The following PLEKHG5 variants were observed in gnomAD, a reference collection of about 807,000 sequenced individuals.
The protein encoded by PLEKHG5 is pleckstrin homology domain-containing family G member 5.
In PLEKHG5, 52 loss-of-function variants were observed where a neutral mutation model predicts 103.8. The observed-to-expected ratio is 0.50, with a 90% CI of 0.40 to 0.63. The LOEUF is 0.63. Ranked by LOEUF, PLEKHG5 falls within the 30% of genes least tolerant of loss-of-function variation. PLEKHG5 has a pLI of 0.00. For synonymous variants in PLEKHG5, 592 were observed against 575.5 expected (o/e 1.03, Z -0.41); for missense variants, 1,205 against 1,347.6 (o/e 0.89, Z 1.66).
chr1:6,471,491 C>A lies in PLEKHG5; in HGVS notation c.1278G>T (p.Lys426Asn), dbSNP rs780936449. 6.2e-7 allele frequency: 1 copy of A among 1,610,424 alleles called. No individual in the cohort carries two copies. The highest frequency in any genetic ancestry group is 8.5e-7 in the Non-Finnish European group (1 of 1,179,120). ...LQPGDFLKGF[K>N]MFGSLFKPYI... ...CTGCGCCCGGCCCCGCCCGTACCAT[C>A]TTGAAGCCTTTGAGGAAGTCCCCGG... Residue 426 changes from lysine (K) to asparagine (N), a missense_variant, in exon 12 of 21, where the codon AAG (lysine) becomes AAT (asparagine). Physicochemically the swap from Lys to Asn is moderately conservative, Grantham distance 94. Transcript: ENST00000377728.
intron 1 of PLEKHG5, among the ~76,000 whole-genome samples, chr1:6,506,957 T>C (rs1483858511): frequency 6.6e-6 from 1 of 152,162 alleles, no homozygotes; most frequent in African/African-American, 2.4e-5. Context: ...GGGAGCCTCA[T>C]TGCTCCCGAG....
upstream of PLEKHG5, among the ~76,000 whole-genome samples, chr1:6,494,545 T>C (rs965674744): frequency 6.6e-6 from 1 of 152,134 alleles, no homozygotes; most frequent in Non-Finnish European, 1.5e-5. Context: ...ATCGCAGGTA[T>C]GAGCAACCAC....
upstream of PLEKHG5, among the ~76,000 whole-genome samples, chr1:6,493,648 A>G (rs1314217904): frequency 6.6e-6 from 1 of 150,472 alleles, no homozygotes; most frequent in Non-Finnish European, 1.5e-5. Flanking sequence ...AATAATTGTT[A>G]TTATTATTAT....
At position 6,469,401 on chromosome 1, in the gene PLEKHG5, G is replaced by A. The variant is rs1644499950; in HGVS notation, c.1983C>T (p.Ala661=). 1 of 1,614,036 alleles carries A rather than the reference G, an allele frequency of 6.2e-7. No individual in the cohort carries two copies. The stretch of plus-strand genomic sequence containing the variant: ...CCTGGCCACTGGCCTGGAACGTGTA[G>A]GCCCCTACAGCACTGTGAAACTCAT... ...YLNEFHSAVG[A]YTFQASGQAL... The change falls in exon 18 of 21, where the codon GCC becomes GCT. Residue 661 remains alanine (A), a synonymous_variant. Transcript: ENST00000377728.
chr1:6,506,429 C>G (rs950621433), intron 1 of PLEKHG5, among the ~76,000 whole-genome samples: 1 of 152,202 alleles, frequency 6.6e-6, no homozygotes, highest in South Asian at 2.1e-4. Context: ...CCGGCCCCCT[C>G]GGAGCCCCCA....
intron 1 of PLEKHG5, among the ~76,000 whole-genome samples, chr1:6,513,075 C>T (rs1239929966): frequency 6.6e-6 from 1 of 152,264 alleles, no homozygotes; most frequent in Non-Finnish European, 1.5e-5. Context: ...CTGGTGGAAT[C>T]GGTAGCTCCT....
At chr1:6,502,284 C>A (rs980626721) in intron 1 of PLEKHG5, among the ~76,000 whole-genome samples, 4 of 152,262 alleles carry the variant, frequency 2.6e-5, no homozygotes, top group African/African-American at 9.6e-5. Context: ...GATCCCCTTC[C>A]CAAAGCGCCA....
intron 1 of PLEKHG5, among the ~76,000 whole-genome samples, chr1:6,481,345 A>G (rs534708623): frequency 1.9e-4 from 29 of 152,068 alleles, no homozygotes; most frequent in Admixed American, 7.2e-4. Context: ...AGCCTGACCA[A>G]CATGGAAGAA....
At chr1:6,516,396 G>A (rs957965576) in intron 1 of PLEKHG5, among the ~76,000 whole-genome samples, 2 of 152,210 alleles carry the variant, frequency 1.3e-5, no homozygotes, top group African/African-American at 4.8e-5. Flanking sequence ...AGTGACTCAT[G>A]CCTGCAATCC....
chr1:6,515,405 T>C (rs1376245971), intron 1 of PLEKHG5, among the ~76,000 whole-genome samples: 1 of 152,152 alleles, frequency 6.6e-6, no homozygotes. Flanking sequence ...CGGGCGCCTG[T>C]AGTCCCAGCT....
chr1:6,491,582 C>T lies in PLEKHG5; in HGVS notation c.-88+55G>A. On this transcript the variant is annotated intron_variant, in intron 1 of 20. Coordinates refer to ENST00000377728, the MANE Select transcript of PLEKHG5 (RefSeq NM_020631.6). The surrounding 1 kb of genome is among the most constrained non-coding windows in gnomAD (Gnocchi z 4.1). ...CCTGGGGCATCCTGGTCTGCCGCTG[C>T]TCACCCCCAAAGCATTGCCCAGGAG... The T allele has an allele frequency of 1.1e-6, 1 of 903,574 alleles. No homozygotes were observed. The highest frequency in any genetic ancestry group is 1.3e-6 in the Non-Finnish European group (1 of 755,828). The allele number at this position is 903,574 out of a possible 1,614,324, so 56.0% of individuals were successfully genotyped here.
At chr1:6,474,718 C>A (rs1343097439) in intron 5 of PLEKHG5, 131 bp from the exon 6 acceptor site, 10 of 921,566 alleles carry the variant, frequency 1.1e-5, no homozygotes, top group East Asian at 1.1e-4. Context: ...AAAAGGGAAG[C>A]CCGCATGGGA....
chr1:6,519,600 G>A (rs959050822), exon 1 of PLEKHG5: 40 of 971,106 alleles, frequency 4.1e-5, no homozygotes, highest in African/African-American at 2.1e-4. Context: ...ACAGGTCTCC[G>A]TCCTGCTTTG....
chr1:6,496,622 G>A (rs994637125), upstream of PLEKHG5: 1 of 1,317,704 alleles, frequency 7.6e-7, no homozygotes, highest in African/African-American at 1.5e-5. Context: ...GGCTCCCCTG[G>A]GCCCCACTGG....
intron 14 of PLEKHG5, 34 bp downstream of exon 14, chr1:6,470,701 A>AG (rs1469854682): frequency 1.3e-6 from 2 of 1,552,330 alleles, no homozygotes; most frequent in Admixed American, 1.9e-5. Flanking sequence ...AGAGCCGCGC[A>AG]GGGGGGACGG....
intron 1 of PLEKHG5, among the ~76,000 whole-genome samples, chr1:6,515,773 C>T (rs547326428): frequency 2.1e-4 from 32 of 152,266 alleles, no homozygotes; most frequent in East Asian, 3.9e-4. Context: ...ACACCACCCT[C>T]GGAAGTTCTG....
At chr1:6,496,377 C>A, upstream of PLEKHG5, 1 of 758,024 alleles carries the variant, frequency 1.3e-6, no homozygotes, top group Non-Finnish European at 2.2e-6. Flanking sequence ...TGAACCCAGC[C>A]CAGCCAGCCG....
chr1:6,518,353 G>C (rs893273506), intron 1 of PLEKHG5, among the ~76,000 whole-genome samples: 4 of 151,428 alleles, frequency 2.6e-5, no homozygotes, highest in Admixed American at 2.0e-4. Context: ...CTGAGGTTGG[G>C]AGTTCAAGAC....
At chr1:6,488,372 G>A (rs1645079350) in intron 1 of PLEKHG5, among the ~76,000 whole-genome samples, 1 of 152,250 alleles carries the variant, frequency 6.6e-6, no homozygotes, top group Non-Finnish European at 1.5e-5. Flanking sequence ...CGTGGGGCCT[G>A]AAGACAGCTG....
Sources: gnomAD v4.1 joint callset for allele counts (sites outside exome capture counted in the v4.1 genomes callset) on GRCh38, gnomAD v4.1.1 for gene constraint, Gnocchi (gnomAD v3.1) non-coding constraint, MANE v1.5 for transcripts, NCBI Gene and HGNC (gene_info 2026-07-23, HGNC 2026-07-21) for gene names.